ZNF761: variants seen among roughly 807,000 people sequenced by gnomAD.
The protein encoded by ZNF761 is zinc finger protein 761.
Under a neutral mutation model 59.9 loss-of-function variants are expected in ZNF761, and 43 were observed. The ratio of observed to expected loss-of-function variants is 0.72; its 90% CI spans 0.56 to 0.92. ZNF761 has a LOEUF of 0.92. Among genes scored for constraint, ZNF761 ranks in the 40% least tolerant of loss-of-function variants. The pLI is 0.00. For synonymous variants in ZNF761, 294 were observed against 304.8 expected, an observed-to-expected ratio of 0.96 and a Z score of 0.37; for missense variants, 850 against 906.1, an observed-to-expected ratio of 0.94 and a Z score of 0.79.
chr19:53,456,973 T>G lies in ZNF761; in HGVS notation c.*225T>G, dbSNP rs1445822581. The G allele has an allele frequency of 7.0e-6, 5 of 714,556 alleles. No homozygotes were observed. Among genetic ancestry groups the G allele is most frequent in the Non-Finnish European group, 1.2e-5 (5 of 411,696 alleles). The allele number at this position is 714,556 out of a possible 1,614,324, so 44.3% of individuals were successfully genotyped here. A position where few individuals can be genotyped will look rare whatever the true frequency, so the allele number is the denominator to read the frequency against. On this transcript the variant is annotated 3_prime_UTR_variant, in exon 5 of 5. Transcript: ENST00000684525. ...CCGTGAAAGACAGGAGAATTCATAC[T>G]GGAGAGAAACCATAAAAATGTAAGA...
chr19:53,453,008 T>C (rs1166435995), intron 4 of ZNF761, among the ~76,000 whole-genome samples: 1 of 152,244 alleles, frequency 6.6e-6, no homozygotes, highest in East Asian at 1.9e-4. Context: ...GCACATTCTG[T>C]GTTTTATATT....
chr19:53,446,053 A>C (rs576620096), intron 1 of ZNF761, among the ~76,000 whole-genome samples, 174 bp from the exon 2 acceptor site: 9 of 152,256 alleles, frequency 5.9e-5, no homozygotes, highest in African/African-American at 2.2e-4. Flanking sequence ...CTATGTCCCT[A>C]AATGATCACG....
chr19:53,450,031 T>C (rs572952840), intron 4 of ZNF761: 1 of 436,830 alleles, frequency 2.3e-6, no homozygotes, highest in Non-Finnish European at 4.0e-6. Flanking sequence ...GTGGCCGGGC[T>C]TGGTGGCTCA....
intron 1 of ZNF761, among the ~76,000 whole-genome samples, chr19:53,436,624 G>C (rs1357919438): frequency 6.6e-6 from 1 of 152,186 alleles, no homozygotes; most frequent in Non-Finnish European, 1.5e-5. Flanking sequence ...CTTTGTGACT[G>C]ATAGTCTGTG....
At position 53,457,223 on chromosome 19, in the gene ZNF761, T is replaced by G. The variant is rs2086280494; in HGVS notation, c.*475T>G. 4.1e-6 allele frequency: 2 copies of G among 482,862 alleles called. No homozygotes were observed. The highest frequency in any genetic ancestry group is 8.3e-6 in the Non-Finnish European group (2 of 241,280). 29.9% of individuals were successfully genotyped at this position (482,862 alleles called of 1,614,324 possible). A position where few individuals can be genotyped will look rare whatever the true frequency, so the allele number is the denominator to read the frequency against. On this transcript the variant is annotated 3_prime_UTR_variant, in exon 5 of 5. Coordinates refer to ENST00000684525, the MANE Select transcript of ZNF761 (RefSeq NM_001289951.2). ...CCATTGTGAATCACTGGAGAATCCA[T>G]AAGGAAGAGAGATCATACTAGGGTA...
intron 1 of ZNF761, among the ~76,000 whole-genome samples, chr19:53,441,061 C>T (rs527941244): frequency 7.9e-5 from 12 of 152,276 alleles, no homozygotes; most frequent in African/African-American, 2.9e-4. Context: ...GCGAGTGGGT[C>T]ACCTAAGGTG....
intron 1 of ZNF761, among the ~76,000 whole-genome samples, chr19:53,432,573 G>A (rs2085983516): frequency 6.6e-6 from 1 of 152,208 alleles, no homozygotes; most frequent in African/African-American, 2.4e-5. Context: ...GTGACGCGGG[G>A]TGTTACTGCC....
intron 1 of ZNF761, among the ~76,000 whole-genome samples, chr19:53,436,215 C>T (rs1234992934): frequency 2.6e-5 from 4 of 152,166 alleles, no homozygotes; most frequent in African/African-American, 9.7e-5. Context: ...GATTACAGTA[C>T]AGGGCCCATC....
At chr19:53,447,912 C>T (rs902881117) in intron 3 of ZNF761, among the ~76,000 whole-genome samples, 5 of 152,172 alleles carry the variant, frequency 3.3e-5, no homozygotes, top group African/African-American at 7.2e-5. Flanking sequence ...TAGCACATTA[C>T]GCTCATGGAG....
intron 1 of ZNF761, among the ~76,000 whole-genome samples, chr19:53,441,149 G>A (rs960197571): frequency 6.6e-6 from 1 of 152,142 alleles, no homozygotes; most frequent in Admixed American, 6.5e-5. Context: ...AGGCATGGTG[G>A]TGTGCACCTG....
chr19:53,449,248 T>TG (rs1282409180), intron 3 of ZNF761, among the ~76,000 whole-genome samples: 1 of 152,016 alleles, frequency 6.6e-6, no homozygotes, highest in Non-Finnish European at 1.5e-5. Context: ...GAAAATCGCT[T>TG]GATCCTAGGA....
At chr19:53,433,909 C>G (rs2086006537) in intron 1 of ZNF761, among the ~76,000 whole-genome samples, 1 of 152,176 alleles carries the variant, frequency 6.6e-6, no homozygotes, top group South Asian at 2.1e-4. Context: ...TTTTTTCATT[C>G]TTACAGTTAT....
intron 3 of ZNF761, among the ~76,000 whole-genome samples, chr19:53,448,007 A>G (rs1348653950): frequency 6.6e-6 from 1 of 152,116 alleles, no homozygotes; most frequent in Non-Finnish European, 1.5e-5. Context: ...TTATGATAAT[A>G]TTATATTTTA....
At chr19:53,450,115 C>G (rs538474284) in intron 4 of ZNF761, 10 of 273,122 alleles carry the variant, frequency 3.7e-5, no homozygotes, top group Non-Finnish European at 6.8e-5. Flanking sequence ...CCAGCCCGGC[C>G]AACATGGTGA....
chr19:53,455,979 A>G lies in ZNF761; in HGVS notation c.1472A>G (p.Glu491Gly). The G allele has an allele frequency of 1.2e-6, 2 of 1,613,940 alleles. No homozygotes were observed. The highest frequency in any genetic ancestry group is 2.7e-5 in the African/African-American group (2 of 74,990). Reference protein sequence around the residue: ...LERHRRIHTGEKPYKCNECGK... With the variant: ...LERHRRIHTGGKPYKCNECGK... ...AGACATAGGAGAATTCATACTGGAG[A>G]GAAACCATACAAGTGTAATGAGTGT... Residue 491 changes from glutamate (E) to glycine (G), a missense_variant, in exon 5 of 5, where the codon GAG (glutamate) becomes GGG (glycine). By Grantham distance (98) the Glu-to-Gly change is moderately conservative. Coordinates refer to ENST00000684525, the MANE Select transcript of ZNF761 (RefSeq NM_001289951.2).
rs770036125 is a variant in ZNF761 at position 53,455,542 on chromosome 19, T to C, written c.1035T>C (p.His345=). Residue 345 remains histidine, a synonymous_variant, in exon 5 of 5, where the codon CAT becomes CAC. Transcript: ENST00000684525. The part of the protein sequence containing the change: ...FRQKSILTRH[H]RLHTGEKPYK... ...AGAAGTCAATCCTTACACGCCATCA[T>C]CGACTTCATACTGGAGAGAAACCTT... The C allele has an allele frequency of 6.2e-6, 10 of 1,612,936 alleles. No individual in the cohort carries two copies. Among genetic ancestry groups the C allele is most frequent in the Admixed American group, 1.7e-5 (1 of 59,848 alleles).
intron 4 of ZNF761, 71 bp from the exon 5 acceptor site, chr19:53,454,579 G>GA: frequency 7.0e-7 from 1 of 1,437,576 alleles, no homozygotes; most frequent in Non-Finnish European, 9.3e-7. Flanking sequence ...TTTTTGTGTC[G>GA]TATTTACACA....
intron 1 of ZNF761, among the ~76,000 whole-genome samples, chr19:53,445,674 C>T (rs556506592): frequency 6.6e-6 from 1 of 151,740 alleles, no homozygotes; most frequent in African/African-American, 2.4e-5. Context: ...GATGCAGTAC[C>T]CCAAAAATAA....
intron 1 of ZNF761, among the ~76,000 whole-genome samples, chr19:53,435,170 T>G (rs766660197): frequency 1.3e-5 from 2 of 152,048 alleles, no homozygotes; most frequent in Non-Finnish European, 2.9e-5. Context: ...TCTTTTGACC[T>G]TGCACGAATT....
Sources: allele counts gnomAD v4.1 joint callset (sites outside exome capture counted in the v4.1 genomes callset), GRCh38; gene constraint gnomAD v4.1.1; transcripts MANE v1.5; gene names NCBI Gene and HGNC (gene_info 2026-07-23, HGNC 2026-07-21).